KLF15: variants seen among roughly 807,000 people sequenced by gnomAD.
KLF15 encodes the protein KLF transcription factor 15.
In KLF15, 4 loss-of-function variants were observed where a neutral mutation model predicts 24.6. The ratio of observed to expected loss-of-function variants is 0.16; its 90% CI spans 0.08 to 0.37. The LOEUF (loss-of-function observed/expected upper bound fraction) is 0.37, where lower values mean the gene tolerates loss of function less well. KLF15 is among the 10% of genes least tolerant of loss of function. The pLI, the probability that KLF15 is intolerant of heterozygous loss-of-function variation, is 1.00. For synonymous variants in KLF15, 246 were observed against 236.3 expected (o/e 1.04, Z -0.37); for missense variants, 496 against 560.6 (o/e 0.88, Z 1.16).
At chr3:126,306,662 A>G in the KLF15 span, among the ~76,000 whole-genome samples, 1 of 152,242 alleles carries the variant, frequency 6.6e-6, no homozygotes, top group Non-Finnish European at 1.5e-5. Flanking sequence ...AAGTGCACAA[A>G]CACATGTTCA....
In KLF15 at chr3:126,343,446, G is replaced by C; in HGVS notation, c.*281C>G. 1 of 405,648 alleles carries C rather than the reference G, an allele frequency of 2.5e-6. No homozygotes were observed. The highest frequency in any genetic ancestry group is 4.4e-6 in the Non-Finnish European group (1 of 229,150). 25.1% of individuals were successfully genotyped at this position (405,648 alleles called of 1,614,324 possible). ...GCCTGCAACCAGCGGCTGCAGCAGA[G>C]GCCTGGCCACCGCGGGAAGGCACGA... On this transcript the variant is annotated 3_prime_UTR_variant, in exon 3 of 3. Transcript: ENST00000296233.
the KLF15 span, among the ~76,000 whole-genome samples, chr3:126,323,472 GT>G: frequency 8.4e-5 from 3 of 35,574 alleles, no homozygotes; most frequent in Non-Finnish European, 1.5e-4. Flanking sequence ...ACATATATAT[GT>G]TATATATATA....
At chr3:126,294,295 T>G in the KLF15 span, among the ~76,000 whole-genome samples, 1 of 152,152 alleles carries the variant, frequency 6.6e-6, no homozygotes, top group East Asian at 1.9e-4. Flanking sequence ...TGTTTTTCCT[T>G]TGTAACCATT....
chr3:126,348,722 G>A (rs2082557836), intron 2 of KLF15, among the ~76,000 whole-genome samples: 1 of 152,228 alleles, frequency 6.6e-6, no homozygotes, highest in East Asian at 1.9e-4. Flanking sequence ...GCCCACGCGG[G>A]AGCCTGAGCC....
chr3:126,319,474 C>T, the KLF15 span, among the ~76,000 whole-genome samples: 9 of 152,350 alleles, frequency 5.9e-5, no homozygotes, highest in African/African-American at 1.7e-4. Flanking sequence ...TTTGGCTATT[C>T]TAACAGGCAT....
chr3:126,322,537 C>T, the KLF15 span, among the ~76,000 whole-genome samples: 1 of 152,172 alleles, frequency 6.6e-6, no homozygotes, highest in African/African-American at 2.4e-5. Flanking sequence ...CAGGATCCTC[C>T]CCCCATCTCC....
the KLF15 span, among the ~76,000 whole-genome samples, chr3:126,295,332 C>A: frequency 7.9e-5 from 12 of 152,164 alleles, no homozygotes; most frequent in African/African-American, 2.4e-4. Flanking sequence ...AGATGAAGAA[C>A]CTCCAGCTTC....
chr3:126,338,172 G>A (rs539025433), downstream of KLF15, among the ~76,000 whole-genome samples: 104 of 152,294 alleles, frequency 6.8e-4, no homozygotes, highest in African/African-American at 2.5e-3. Flanking sequence ...TTGTAGTAAG[G>A]CCACCAGCTT....
In KLF15 at chr3:126,352,575, C is replaced by A; in HGVS notation, c.348G>T (p.Lys116Asn). The stretch of plus-strand genomic sequence containing the variant: ...ACTCGGGCAAGCAGAAATGCTCCCC[C>A]TTCACAGGGGCCGCTGCCCTTCGCC... The part of the protein sequence containing the change: ...GPWRRAAAPV[K>N]GEHFCLPEFP... Residue 116 changes from lysine to asparagine, a missense_variant, in exon 2 of 3, where the codon AAG (lysine) becomes AAT (asparagine). Lys to Asn is a moderately conservative substitution (Grantham distance 94). Around this residue, in one of 3 missense-constraint regions of KLF15, gnomAD observed 399 missense variants for 423.1 expected, o/e 0.94. Transcript: ENST00000296233. 1 of 1,612,704 alleles carries A rather than the reference C, an allele frequency of 6.2e-7. No individual in the cohort carries two copies. Among genetic ancestry groups the A allele is most frequent in the Non-Finnish European group, 8.5e-7 (1 of 1,179,946 alleles).
At chr3:126,352,990 C>A in intron 1 of KLF15, 43 bp from the exon 2 acceptor site, 1 of 1,527,852 alleles carries the variant, frequency 6.5e-7, no homozygotes, top group Non-Finnish European at 8.8e-7. Flanking sequence ...AAGGACAGTG[C>A]TCACCTGCCA....
At chr3:126,316,454 GTCTA>G in the KLF15 span, among the ~76,000 whole-genome samples, 2 of 26,380 alleles carry the variant, frequency 7.6e-5, no homozygotes, top group African/African-American at 5.2e-4. Context: ...GGGGAAGGGA[GTCTA>G]TGGGCCGGAG....
the KLF15 span, among the ~76,000 whole-genome samples, chr3:126,300,268 C>T: frequency 6.6e-6 from 1 of 152,194 alleles, no homozygotes; most frequent in Non-Finnish European, 1.5e-5. Flanking sequence ...GCTTCCTTTC[C>T]TGGCCTCTGC....
At chr3:126,290,352 A>T in the KLF15 span, among the ~76,000 whole-genome samples, 2 of 152,018 alleles carry the variant, frequency 1.3e-5, no homozygotes, top group Admixed American at 1.3e-4. Flanking sequence ...GCACCTGTGG[A>T]CCCCACCCCA....
At chr3:126,308,803 A>C in the KLF15 span, among the ~76,000 whole-genome samples, 1 of 152,168 alleles carries the variant, frequency 6.6e-6, no homozygotes, top group Non-Finnish European at 1.5e-5. Flanking sequence ...CGGAAGGAGG[A>C]CTTCATTCAC....
chr3:126,307,916 C>G, the KLF15 span, among the ~76,000 whole-genome samples: 7 of 152,278 alleles, frequency 4.6e-5, no homozygotes, highest in Admixed American at 3.9e-4. Flanking sequence ...CCTTAGCCCC[C>G]CTTGTCTGGA....
chr3:126,353,629 G>A (rs35442756), intron 1 of KLF15, among the ~76,000 whole-genome samples: 13,778 of 152,290 alleles, frequency 0.09, 783 homozygotes, highest in Middle Eastern at 0.15. Flanking sequence ...CTGGGCAAGT[G>A]TAGCATGTAG....
rs566462461 is a variant in KLF15 at position 126,356,332 on chromosome 3, G to A, written c.-26+905C>T. On this transcript the variant is annotated intron_variant, in intron 1 of 2. Coordinates refer to ENST00000296233, the MANE Select transcript of KLF15 (RefSeq NM_014079.4). This position sits in a 1 kb window ranked among gnomAD's most constrained non-coding sequence, Gnocchi z 4.4. ...GGAGATTTGAGGCTCTCAAACAATTGTTGATTTTGTCACCTCCGAGGGCCG... is the reference window on the plus strand; with the variant it reads ...GGAGATTTGAGGCTCTCAAACAATTATTGATTTTGTCACCTCCGAGGGCCG... Among the ~76,000 whole-genome samples the A allele has an allele frequency of 1.2e-4, 19 of 152,204 alleles. No homozygotes were observed. The highest frequency in any genetic ancestry group is 4.3e-4 in the African/African-American group (18 of 41,526).
At chr3:126,338,960 G>C (rs1419554560), downstream of KLF15, among the ~76,000 whole-genome samples, 2 of 152,210 alleles carry the variant, frequency 1.3e-5, no homozygotes, top group Non-Finnish European at 2.9e-5. Flanking sequence ...TCCCGGCTGG[G>C]TTCTGAGAAC....
At chr3:126,293,507 C>A in the KLF15 span, among the ~76,000 whole-genome samples, 8 of 152,124 alleles carry the variant, frequency 5.3e-5, no homozygotes, top group African/African-American at 1.9e-4. Context: ...CATTTCTGGC[C>A]TGTGTAAGCA....
Sources: gnomAD v4.1 joint callset for allele counts (sites outside exome capture counted in the v4.1 genomes callset) on GRCh38, gnomAD v4.1.1 for gene constraint, gnomAD v4.1.1 regional missense constraint, Gnocchi (gnomAD v3.1) non-coding constraint, MANE v1.5 for transcripts, NCBI Gene and HGNC (gene_info 2026-07-23, HGNC 2026-07-21) for gene names.